SLC36A1: variants seen among roughly 807,000 people sequenced by gnomAD.
SLC36A1 encodes solute carrier family 36 member 1.
In SLC36A1, 30 loss-of-function variants were observed where a neutral mutation model predicts 47.5. The ratio of observed to expected loss-of-function variants is 0.63; its 90% CI spans 0.47 to 0.86. SLC36A1 has a LOEUF of 0.86. Ranked by LOEUF, SLC36A1 falls within the 40% of genes least tolerant of loss-of-function variation. SLC36A1 has a pLI of 0.00. For missense variants in SLC36A1, 517 were observed against 606.0 expected, an observed-to-expected ratio of 0.85 and a Z score of 1.54; for synonymous variants, 255 against 249.7, an observed-to-expected ratio of 1.02 and a Z score of -0.20.
the SLC36A1 span, chr5:151,534,327 G>A: frequency 8.8e-7 from 1 of 1,136,378 alleles, no homozygotes; most frequent in Non-Finnish European, 1.3e-6. Context: ...ACCAGTCCTA[G>A]AGAGACACAA....
At chr5:151,553,327 A>T in the SLC36A1 span, 4 of 1,614,116 alleles carry the variant, frequency 2.5e-6, no homozygotes, top group African/African-American at 2.7e-5. Flanking sequence ...CAAGGGATCC[A>T]CTCAATGTGT....
chr5:151,422,494 T>A, the SLC36A1 span, among the ~76,000 whole-genome samples: 1 of 152,282 alleles, frequency 6.6e-6, no homozygotes, highest in Admixed American at 6.5e-5. Flanking sequence ...GGCAGGAACC[T>A]CTGAAACGGC....
At chr5:151,452,739 G>A (rs1316086776) in intron 1 of SLC36A1, among the ~76,000 whole-genome samples, 2 of 151,506 alleles carry the variant, frequency 1.3e-5, no homozygotes, top group Non-Finnish European at 2.9e-5. Flanking sequence ...GCATGGTGAT[G>A]GACGCCTGTA....
At chr5:151,538,972 G>A in the SLC36A1 span, among the ~76,000 whole-genome samples, 1 of 151,990 alleles carries the variant, frequency 6.6e-6, no homozygotes, top group Non-Finnish European at 1.5e-5. Flanking sequence ...AGACGTGGAT[G>A]GAAGTTTTAT....
intron 1 of SLC36A1, among the ~76,000 whole-genome samples, chr5:151,458,102 C>A (rs941594335): frequency 7.9e-5 from 12 of 151,754 alleles, no homozygotes; most frequent in Admixed American, 7.2e-4. Context: ...CCCGCCTTGG[C>A]CTCCCAAAGT....
At chr5:151,399,655 A>C in the SLC36A1 span, among the ~76,000 whole-genome samples, 1 of 152,182 alleles carries the variant, frequency 6.6e-6, no homozygotes, top group Non-Finnish European at 1.5e-5. Flanking sequence ...TTAAATATGA[A>C]CATCATAGTG....
At chr5:151,551,369 G>T in the SLC36A1 span, 1 of 1,281,494 alleles carries the variant, frequency 7.8e-7, no homozygotes, top group Non-Finnish European at 1.1e-6. Context: ...TGTTCCTTGA[G>T]GAACACCACA....
At chr5:151,444,449 C>CT (rs1289143802), upstream of SLC36A1, among the ~76,000 whole-genome samples, 2 of 151,926 alleles carry the variant, frequency 1.3e-5, no homozygotes, top group African/African-American at 4.8e-5. Flanking sequence ...CTCTTTATTT[C>CT]TTTTTTAGGT....
At chr5:151,409,356 G>A in the SLC36A1 span, among the ~76,000 whole-genome samples, 1 of 152,076 alleles carries the variant, frequency 6.6e-6, no homozygotes, top group Admixed American at 6.6e-5. Context: ...CCCTCAGGAG[G>A]CAAAGACTAT....
At chr5:151,419,127 A>C in the SLC36A1 span, among the ~76,000 whole-genome samples, 1 of 152,130 alleles carries the variant, frequency 6.6e-6, no homozygotes, top group East Asian at 1.9e-4. Flanking sequence ...GGCTTCCCAA[A>C]CCATGCTGAA....
At chr5:151,499,529 T>C in the SLC36A1 span, among the ~76,000 whole-genome samples, 2 of 152,162 alleles carry the variant, frequency 1.3e-5, no homozygotes, top group Non-Finnish European at 2.9e-5. Flanking sequence ...TCATACATAA[T>C]CTTCAGTCCA....
chr5:151,372,166 G>T, the SLC36A1 span, among the ~76,000 whole-genome samples: 2 of 152,086 alleles, frequency 1.3e-5, no homozygotes, highest in African/African-American at 2.4e-5. Context: ...GAGATTCTGG[G>T]ACTCTAGCAC....
At chr5:151,505,553 G>A in the SLC36A1 span, 7 of 1,613,974 alleles carry the variant, frequency 4.3e-6, no homozygotes, top group South Asian at 6.6e-5. Context: ...GCCTTGCTCT[G>A]GGAATGGGAA....
chr5:151,531,185 G>A, the SLC36A1 span, among the ~76,000 whole-genome samples: 1 of 152,206 alleles, frequency 6.6e-6, no homozygotes. The surrounding 1 kb of genome is among the most constrained non-coding windows in gnomAD (Gnocchi z 5.7). Flanking sequence ...GACTCCAGGA[G>A]GGAAGCAGGC....
At chr5:151,374,146 GGAAGACACCTACCCTGGCCA>G in the SLC36A1 span, among the ~76,000 whole-genome samples, 14 of 152,230 alleles carry the variant, frequency 9.2e-5, no homozygotes, top group Non-Finnish European at 4.4e-5. Flanking sequence ...TACCCTGGCC[GGAAGACACCTACCCTGGCCA>G]GAAGACACGT....
At chr5:151,417,562 C>G in the SLC36A1 span, among the ~76,000 whole-genome samples, 25,504 of 152,084 alleles carry the variant, frequency 0.17, 2,383 homozygotes, top group East Asian at 0.38. Context: ...ACTTGAGAGA[C>G]ATGATTTAGG....
intron 1 of SLC36A1, among the ~76,000 whole-genome samples, chr5:151,438,214 G>A (rs982357157): frequency 1.3e-5 from 2 of 152,172 alleles, no homozygotes; most frequent in Non-Finnish European, 2.9e-5. Flanking sequence ...ATTTCACTGT[G>A]TGCCCGTTGT....
the SLC36A1 span, among the ~76,000 whole-genome samples, chr5:151,530,665 ATTG>A: frequency 6.6e-6 from 1 of 152,224 alleles, no homozygotes; most frequent in African/African-American, 2.4e-5. Context: ...ATATTAAGAA[ATTG>A]TTATCTTTTA....
chr5:151,377,263 T>A, the SLC36A1 span, among the ~76,000 whole-genome samples: 2 of 152,132 alleles, frequency 1.3e-5, no homozygotes, highest in East Asian at 3.8e-4. Context: ...AGTGTTTCTT[T>A]GTTGATTTTC....
Sources: gnomAD v4.1 joint callset for allele counts (sites outside exome capture counted in the v4.1 genomes callset) on GRCh38, gnomAD v4.1.1 for gene constraint, Gnocchi (gnomAD v3.1) non-coding constraint, MANE v1.5 for transcripts, NCBI Gene and HGNC (gene_info 2026-07-23, HGNC 2026-07-21) for gene names.